Variants in RNLS observed in about 807,000 individuals in gnomAD.
RNLS encodes renalase, FAD dependent amine oxidase, also known as renalase.
In RNLS, 39 loss-of-function variants were observed where a neutral mutation model predicts 39.8. The ratio of observed to expected loss-of-function variants is 0.98; its 90% confidence interval spans 0.76 to 1.28. The LOEUF is 1.28. Ranked by LOEUF, RNLS falls within the 50% of genes most tolerant of loss-of-function variation. RNLS has a pLI of 0.00. For synonymous variants in RNLS, 147 were observed against 150.7 expected, an observed-to-expected ratio of 0.98 and a Z score of 0.18; for missense variants, 410 against 413.3, an observed-to-expected ratio of 0.99 and a Z score of 0.07.
chr10:88,474,968 G>A (rs895286596), intron 4 of RNLS, among the ~76,000 whole-genome samples: 1 of 152,078 alleles, frequency 6.6e-6, no homozygotes, highest in Non-Finnish European at 1.5e-5. Context: ...AGTAGTTGGA[G>A]AAAGTAGTCA....
intron 4 of RNLS, among the ~76,000 whole-genome samples, chr10:88,503,304 A>G (rs1455587077): frequency 6.6e-6 from 1 of 152,098 alleles, no homozygotes; most frequent in African/African-American, 2.4e-5. Context: ...TCACTTGAAC[A>G]TGGGAGGTAG....
At chr10:88,201,218 C>A in the RNLS span, among the ~76,000 whole-genome samples, 1 of 152,126 alleles carries the variant, frequency 6.6e-6, no homozygotes. Flanking sequence ...AAGATAATTT[C>A]TCTTTTCTAT....
chr10:88,423,272 A>C (rs1564788257), intron 4 of RNLS, among the ~76,000 whole-genome samples: 1 of 152,194 alleles, frequency 6.6e-6, no homozygotes, highest in Non-Finnish European at 1.5e-5. Context: ...GTTTGCATAT[A>C]TGCTACACGT....
intron 4 of RNLS, among the ~76,000 whole-genome samples, chr10:88,537,345 C>A (rs1283707315): frequency 6.6e-6 from 1 of 152,156 alleles, no homozygotes; most frequent in African/African-American, 2.4e-5. Context: ...TAATCTCCTA[C>A]AGCCAAGTAT....
At chr10:88,565,741 A>ATCTT (rs1849456031) in intron 4 of RNLS, among the ~76,000 whole-genome samples, 1 of 142,640 alleles carries the variant, frequency 7.0e-6, no homozygotes, top group Admixed American at 7.2e-5. Context: ...TGTCAACGTT[A>ATCTT]TCTTTCTTTT....
chr10:88,550,943 T>C (rs1208776480), intron 4 of RNLS, among the ~76,000 whole-genome samples: 1 of 152,190 alleles, frequency 6.6e-6, no homozygotes, highest in African/African-American at 2.4e-5. Flanking sequence ...GAGGCTGATA[T>C]TTAGGATTCT....
At chr10:88,465,414 C>A (rs987190492) in intron 4 of RNLS, among the ~76,000 whole-genome samples, 3 of 151,970 alleles carry the variant, frequency 2.0e-5, no homozygotes, top group Admixed American at 6.6e-5. Context: ...GTCTCTGAAC[C>A]CAAAGAGCTC....
intron 4 of RNLS, among the ~76,000 whole-genome samples, chr10:88,516,941 T>C (rs1465668834): frequency 2.6e-5 from 4 of 151,976 alleles, no homozygotes; most frequent in Non-Finnish European, 4.4e-5. Context: ...AATATGTCTA[T>C]GACAATACAC....
intron 4 of RNLS, among the ~76,000 whole-genome samples, chr10:88,541,313 T>C (rs1421304956): frequency 6.6e-6 from 1 of 152,208 alleles, no homozygotes; most frequent in Non-Finnish European, 1.5e-5. Flanking sequence ...TAACTCCTTT[T>C]CACTACTATG....
chr10:88,465,619 C>T (rs1298937544), intron 4 of RNLS, among the ~76,000 whole-genome samples: 2 of 151,984 alleles, frequency 1.3e-5, no homozygotes, highest in Non-Finnish European at 2.9e-5. Flanking sequence ...TGGGGTAATC[C>T]TGTTTTAGTT....
chr10:88,462,074 T>C (rs1842956115), intron 4 of RNLS, among the ~76,000 whole-genome samples: 1 of 152,094 alleles, frequency 6.6e-6, no homozygotes, highest in South Asian at 2.1e-4. Context: ...TTGGTTCTTC[T>C]ATTACTCTTG....
At chr10:88,360,709 T>G (rs1849576100) in intron 5 of RNLS, among the ~76,000 whole-genome samples, 1 of 152,186 alleles carries the variant, frequency 6.6e-6, no homozygotes, top group Non-Finnish European at 1.5e-5. Context: ...ATTTCCTTGA[T>G]TCTTAGAAAG....
At chr10:88,307,090 A>T (rs1379709422) in intron 6 of RNLS, among the ~76,000 whole-genome samples, 2 of 152,226 alleles carry the variant, frequency 1.3e-5, no homozygotes, top group African/African-American at 4.8e-5. Context: ...ACCTCAATAG[A>T]TGCAGAAAAG....
chr10:88,175,401 A>G, the RNLS span, among the ~76,000 whole-genome samples: 1 of 152,072 alleles, frequency 6.6e-6, no homozygotes, highest in Non-Finnish European at 1.5e-5. Context: ...ATTCCCTCTT[A>G]GTACTGATTT....
In RNLS at chr10:88,415,475, CT is replaced by C. The variant is rs370899411; in HGVS notation, c.527-52751del. 1.5e-3 allele frequency among the ~76,000 whole-genome samples: 224 copies of C among 152,250 alleles called. 2 individuals are homozygous for C. Among genetic ancestry groups the C allele is most frequent in the African/African-American group, 5.1e-3 (210 of 41,544 alleles). ...ATTAGACTGGTGCTTTTTTAAATGA[CT>C]TTTTTCCCCCCTCAACAAACTGGTC... On this transcript the variant is annotated intron_variant, in intron 4 of 6. Transcript: ENST00000331772.
rs1196800182 is a variant in RNLS, at chr10:88,572,927, G to A, written c.502C>T (p.Gln168Ter). Residue 168 changes from glutamine to a stop codon, truncating the protein, a stop_gained, in exon 4 of 7, where the codon CAG (glutamine) becomes TAG (stop). Transcript: ENST00000331772. LOFTEE classifies it high-confidence loss of function. ...CAGGTGGTGATGTCACCTTGAAGCT[G>A]CAGAATCTCAGGAACTGGCATTGTG... Reference protein sequence around the residue: ...VLTMPVPEILQLQGDITTLIS... With the variant: ...VLTMPVPEIL The A allele has an allele frequency of 6.2e-7, 1 of 1,613,786 alleles. No individual in the cohort carries two copies. Among genetic ancestry groups the A allele is most frequent in the African/African-American group, 1.3e-5 (1 of 74,926 alleles).
chr10:88,373,712 T>A lies in RNLS; in HGVS notation c.527-10987A>T, dbSNP rs140775372. On this transcript the variant is annotated intron_variant, in intron 4 of 6. Coordinates refer to ENST00000331772, the MANE Select transcript of RNLS (RefSeq NM_001031709.3). ...ATTAGTAAAATATTGTTCATTTTTC[T>A]TGGTTATCTTTGTTTCCATATTATT... Among the ~76,000 whole-genome samples, 146 of 152,284 alleles carry A rather than the reference T, an allele frequency of 9.6e-4. 1 individual carries two copies. The highest frequency in any genetic ancestry group is 2.2e-4 in the Non-Finnish European group (15 of 68,006).
At chr10:88,434,520 T>C (rs1855341065) in intron 4 of RNLS, among the ~76,000 whole-genome samples, 2 of 152,156 alleles carry the variant, frequency 1.3e-5, no homozygotes, top group African/African-American at 4.8e-5. Flanking sequence ...CATGACACTA[T>C]TAAATGTGAG....
chr10:88,463,945 C>T (rs1775341034), intron 4 of RNLS, among the ~76,000 whole-genome samples: 2 of 151,872 alleles, frequency 1.3e-5, no homozygotes, highest in Admixed American at 1.3e-4. Context: ...AACTTTTCTT[C>T]CTAAGGTACA....
Sources: gnomAD v4.1 joint callset for allele counts (sites outside exome capture counted in the v4.1 genomes callset) on GRCh38, gnomAD v4.1.1 for gene constraint, MANE v1.5 for transcripts, NCBI Gene and HGNC (gene_info 2026-07-23, HGNC 2026-07-21) for gene names.